The following CPD variants were observed in gnomAD, a reference collection of about 807,000 sequenced individuals.
CPD encodes the protein carboxypeptidase D.
In CPD, 69 loss-of-function variants were observed where a neutral mutation model predicts 138.3. The ratio of observed to expected loss-of-function variants is 0.50; its 90% CI spans 0.41 to 0.61. The LOEUF is 0.61. CPD is among the 20% of genes least tolerant of loss of function. CPD has a pLI of 0.00. For missense variants in CPD, 1,432 were observed against 1,733.3 expected, an observed-to-expected ratio of 0.83 and a Z score of 3.09; for synonymous variants, 651 against 642.1, an observed-to-expected ratio of 1.01 and a Z score of -0.21.
At chr17:30,394,494 GT>G (rs924183710) in intron 2 of CPD, among the ~76,000 whole-genome samples, 3 of 152,088 alleles carry the variant, frequency 2.0e-5, no homozygotes, top group Admixed American at 2.0e-4. Context: ...GTTGTTAATA[GT>G]TTTTTTGTTT....
At chr17:30,434,888 T>C (rs1217619195) in intron 8 of CPD, among the ~76,000 whole-genome samples, 1 of 151,156 alleles carries the variant, frequency 6.6e-6, no homozygotes, top group East Asian at 2.0e-4. Flanking sequence ...AAATGCCCAA[T>C]ATCATAAAAA....
At chr17:30,401,345 C>T (rs1039447719) in intron 2 of CPD, among the ~76,000 whole-genome samples, 1 of 149,402 alleles carries the variant, frequency 6.7e-6, no homozygotes, top group African/African-American at 2.5e-5. Flanking sequence ...CCTCTTCTTC[C>T]TCCTCTTCCT....
At chr17:30,433,543 C>T (rs371376027) in intron 8 of CPD, among the ~76,000 whole-genome samples, 18 of 152,140 alleles carry the variant, frequency 1.2e-4, no homozygotes, top group African/African-American at 3.4e-4. Flanking sequence ...TCAGTAATTA[C>T]CATTATCTCT....
intron 2 of CPD, among the ~76,000 whole-genome samples, chr17:30,385,758 T>A (rs2143304753): frequency 6.6e-6 from 1 of 151,038 alleles, no homozygotes; most frequent in South Asian, 2.1e-4. Flanking sequence ...TGGTAGCCCC[T>A]TTTTATCCAG....
In CPD at chr17:30,451,798, A is replaced by G. The variant is rs773813413; in HGVS notation, c.3157A>G (p.Ile1053Val). ...RAQEKDCTSK[I>V]GQTNARGKDL... is the part of the protein sequence containing the mutation. ...TCAAGAGAAAGACTGTACTTCAAAA[A>G]TAGGACAAACAAATGCTCGTGGCAA... Residue 1053 changes from isoleucine to valine, a missense_variant, in exon 14 of 21, where the codon ATA becomes GTA. By Grantham distance (29) the Ile-to-Val change is conservative. This residue lies in a region of CPD where 366 missense variants were observed against 518.8 expected (regional missense o/e 0.71). Transcript: ENST00000225719. 7 of 1,614,146 alleles carry G rather than the reference A, an allele frequency of 4.3e-6. No individual in the cohort carries two copies. The highest frequency in any genetic ancestry group is 2.2e-5 in the East Asian group (1 of 44,868).
chr17:30,443,025 A>G (rs1252417338), intron 10 of CPD, among the ~76,000 whole-genome samples: 1 of 151,864 alleles, frequency 6.6e-6, no homozygotes, highest in Non-Finnish European at 1.5e-5. Context: ...TACTATATTT[A>G]AAGACATTTT....
At chr17:30,454,053 G>A (rs892672435) in intron 14 of CPD, 2 of 151,958 alleles carry the variant, frequency 1.3e-5, no homozygotes, top group Admixed American at 1.3e-4. Flanking sequence ...GGGCTGCCGA[G>A]AAGGTCTCTG....
intron 6 of CPD, among the ~76,000 whole-genome samples, chr17:30,424,623 C>T (rs1219992676): frequency 1.3e-5 from 2 of 152,218 alleles, no homozygotes; most frequent in African/African-American, 2.4e-5. Flanking sequence ...GTCAGTGACT[C>T]TGTTTTGACT....
At chr17:30,461,495 A>AT (rs757044344) in intron 18 of CPD, among the ~76,000 whole-genome samples, 184 bp downstream of exon 18, 11 of 152,314 alleles carry the variant, frequency 7.2e-5, no homozygotes, top group Non-Finnish European at 1.3e-4. Flanking sequence ...GGAATCTGCT[A>AT]TAATTTAGGT....
At chr17:30,446,139 G>T in intron 12 of CPD, 119 bp downstream of exon 12, 1 of 736,406 alleles carries the variant, frequency 1.4e-6, no homozygotes, top group Non-Finnish European at 2.2e-6. Flanking sequence ...CAGAGAGTTG[G>T]AGTTTACTTA....
intron 13 of CPD, among the ~76,000 whole-genome samples, chr17:30,450,704 A>G (rs190526053): frequency 6.6e-6 from 1 of 152,142 alleles, no homozygotes; most frequent in Non-Finnish European, 1.5e-5. Context: ...ACAAAAATTT[A>G]AAAAATTAGC....
chr17:30,442,250 G>T, intron 9 of CPD, 58 bp from the exon 10 acceptor site: 4 of 1,520,304 alleles, frequency 2.6e-6, no homozygotes, highest in Non-Finnish European at 3.6e-6. Flanking sequence ...CTTACCTTTT[G>T]GGATCTGAGC....
chr17:30,411,753 T>TG (rs1242884663), intron 2 of CPD, among the ~76,000 whole-genome samples: 1 of 152,234 alleles, frequency 6.6e-6, no homozygotes, highest in African/African-American at 2.4e-5. Flanking sequence ...TAGTTAGCCA[T>TG]TCGTCTAACC....
intron 2 of CPD, among the ~76,000 whole-genome samples, chr17:30,414,239 A>G (rs188355082): frequency 6.6e-6 from 1 of 152,300 alleles, no homozygotes; most frequent in East Asian, 1.9e-4. Context: ...TGTTGAGTAA[A>G]GAATATAAAA....
chr17:30,405,369 C>T (rs1051611434), intron 2 of CPD, among the ~76,000 whole-genome samples: 5 of 152,166 alleles, frequency 3.3e-5, no homozygotes, highest in African/African-American at 4.8e-5. Context: ...CTGTAGCTAT[C>T]TGCTTAGGAA....
In CPD at chr17:30,379,056, G is replaced by T; in HGVS notation, c.76G>T (p.Gly26Trp). Reference protein sequence around the residue: ...LLLLMCLLLLGSSARAAHIKK... With the variant: ...LLLLMCLLLLWSSARAAHIKK... ...GTTGCTCATGTGCCTGCTGCTGCTG[G>T]GGAGCTCGGCCCGGGCGGCTCACAT... Residue 26 changes from glycine (G) to tryptophan (W), a missense_variant, in exon 1 of 21, where the codon GGG becomes TGG. Gly to Trp is a radical substitution (Grantham distance 184, BLOSUM62 -2). Coordinates refer to ENST00000225719, the MANE Select transcript of CPD (RefSeq NM_001304.5). The surrounding 1 kb of genome is among the most constrained non-coding windows in gnomAD (Gnocchi z 7.0). 1.3e-6 allele frequency: 2 copies of T among 1,563,344 alleles called. No individual in the cohort carries two copies. Among genetic ancestry groups the T allele is most frequent in the Non-Finnish European group, 1.7e-6 (2 of 1,161,608 alleles).
rs746161892 is a variant in CPD, at chr17:30,427,445, G to A, written c.1904G>A (p.Arg635Gln). 23 of 1,613,958 alleles carry A rather than the reference G, an allele frequency of 1.4e-5. No individual in the cohort carries two copies. The highest frequency in any genetic ancestry group is 2.2e-5 in the East Asian group (1 of 44,888). ...RNNSNNFDLN[R>Q]NFPDQFVQIT... is the part of the protein sequence containing the mutation. Reference sequence around the variant, plus strand: ...AACAGCAACAACTTTGACCTGAACCGAAATTTCCCAGACCAGTTTGTTCAG... The same window carrying A: ...AACAGCAACAACTTTGACCTGAACCAAAATTTCCCAGACCAGTTTGTTCAG... Residue 635 changes from arginine to glutamine, a missense_variant, in exon 7 of 21, where the codon CGA becomes CAA. Physicochemically the swap from Arg to Gln is conservative, Grantham distance 43. Coordinates refer to ENST00000225719, the MANE Select transcript of CPD (RefSeq NM_001304.5).
Position 30,385,187 on chromosome 17 carries a change from G to A in CPD, c.945G>A (p.Glu315=). 6.2e-7 allele frequency: 1 copy of A among 1,613,992 alleles called. No individual in the cohort carries two copies. The highest frequency in any genetic ancestry group is 8.5e-7 in the Non-Finnish European group (1 of 1,179,976). The stretch of plus-strand genomic sequence containing the variant: ...CTCATTGTCCAGGAGATGAAGACGA[G>A]ACTTTCAAAGATGGAATCACAAACG... ...GEPHCPGDED[E]TFKDGITNGA... Residue 315 remains glutamate (E), a synonymous_variant, in exon 2 of 21, where the codon GAG becomes GAA. Coordinates refer to ENST00000225719, the MANE Select transcript of CPD (RefSeq NM_001304.5).
Position 30,431,789 on chromosome 17 carries a change from T to C in CPD, c.2035T>C (p.Tyr679His). ...NLHGGSLVVNYPFDDDEQGLA... is the reference protein window; with the variant it reads ...NLHGGSLVVNHPFDDDEQGLA... The stretch of plus-strand genomic sequence containing the variant: ...CCTTATAGGTTCTTTGGTGGTTAAC[T>C]ACCCTTTTGATGATGATGAACAAGG... Residue 679 changes from tyrosine (Y) to histidine (H), a missense_variant, in exon 8 of 21, where the codon TAC becomes CAC. This residue lies in a region of CPD where 297 missense variants were observed against 405.3 expected (regional missense o/e 0.73). Coordinates refer to ENST00000225719, the MANE Select transcript of CPD (RefSeq NM_001304.5). The C allele has an allele frequency of 6.2e-7, 1 of 1,611,714 alleles. No individual in the cohort carries two copies.
Sources: gnomAD v4.1 joint callset for allele counts (sites outside exome capture counted in the v4.1 genomes callset) on GRCh38, gnomAD v4.1.1 for gene constraint, gnomAD v4.1.1 regional missense constraint, Gnocchi (gnomAD v3.1) non-coding constraint, MANE v1.5 for transcripts, NCBI Gene and HGNC (gene_info 2026-07-23, HGNC 2026-07-21) for gene names.